ANKRD6: variants seen among roughly 807,000 people sequenced by gnomAD.
ANKRD6 encodes ankyrin repeat domain 6, also known as ankyrin repeat domain-containing protein 6.
ANKRD6 carries 56 observed loss-of-function variants against 82.3 expected under a neutral mutation model. The ratio of observed to expected loss-of-function variants is 0.68; its 90% CI spans 0.55 to 0.85. The LOEUF (loss-of-function observed/expected upper bound fraction) is 0.85. ANKRD6 is among the 40% of genes least tolerant of loss of function. The pLI is 0.00. For synonymous variants in ANKRD6, 347 were observed against 352.1 expected, an observed-to-expected ratio of 0.99 and a Z score of 0.16; for missense variants, 852 against 907.6, an observed-to-expected ratio of 0.94 and a Z score of 0.79.
At chr6:89,540,998 T>A (rs1373007751) in intron 1 of ANKRD6, among the ~76,000 whole-genome samples, 1 of 152,226 alleles carries the variant, frequency 6.6e-6, no homozygotes, top group African/African-American at 2.4e-5. Context: ...TCTGTTTGTA[T>A]GTCAGTACCT....
intron 1 of ANKRD6, among the ~76,000 whole-genome samples, chr6:89,513,516 C>T (rs1162107745): frequency 1.3e-5 from 2 of 152,130 alleles, no homozygotes; most frequent in Admixed American, 6.5e-5. Context: ...AGGATATTTG[C>T]AAGATTTATC....
At chr6:89,512,706 A>G (rs1217437415) in intron 1 of ANKRD6, among the ~76,000 whole-genome samples, 1 of 152,218 alleles carries the variant, frequency 6.6e-6, no homozygotes, top group East Asian at 1.9e-4. Context: ...AGAAATGCCA[A>G]TAAGCTTAGC....
At chr6:89,466,572 C>T (rs1284076319) in intron 1 of ANKRD6, among the ~76,000 whole-genome samples, 1 of 152,040 alleles carries the variant, frequency 6.6e-6, no homozygotes, top group African/African-American at 2.4e-5. Flanking sequence ...ATATTTTGTA[C>T]GTTTTTAGCC....
chr6:89,451,273 C>T (rs754785879), intron 1 of ANKRD6, among the ~76,000 whole-genome samples: 2 of 152,186 alleles, frequency 1.3e-5, no homozygotes, highest in African/African-American at 2.4e-5. Flanking sequence ...CACGCCACTG[C>T]ACTGCAGCCT....
chr6:89,545,988 T>C (rs1360049604), intron 1 of ANKRD6, among the ~76,000 whole-genome samples: 2 of 152,158 alleles, frequency 1.3e-5, no homozygotes, highest in East Asian at 3.9e-4. Context: ...GTATTTTTTT[T>C]AGTAGAGACG....
chr6:89,458,783 C>A (rs1450926269), intron 1 of ANKRD6, among the ~76,000 whole-genome samples: 1 of 152,202 alleles, frequency 6.6e-6, no homozygotes, highest in Non-Finnish European at 1.5e-5. Flanking sequence ...CACCCAGGAA[C>A]AATACTTTGC....
chr6:89,479,170 G>A (rs1008554881), intron 1 of ANKRD6, among the ~76,000 whole-genome samples: 1 of 152,150 alleles, frequency 6.6e-6, no homozygotes, highest in African/African-American at 2.4e-5. Context: ...GATAAACAGG[G>A]CATCATGGGA....
chr6:89,496,176 G>GCC lies in ANKRD6; in HGVS notation c.-144+62811_-144+62812dup, dbSNP rs368122603. On this transcript the variant is annotated intron_variant, in intron 1 of 15. Coordinates refer to ENST00000339746, the MANE Select transcript of ANKRD6 (RefSeq NM_001242809.2). ...GGATTAGCAAGCTTTTTTCCACACT[G>GCC]CCCCCCCCCCCACCATAATTAAAGT... is the stretch of plus-strand genomic sequence containing the variant. Among the ~76,000 whole-genome samples, 312 of 138,044 alleles carry GCC rather than the reference G, an allele frequency of 2.3e-3. 2 individuals carry two copies. The highest frequency in any genetic ancestry group is 3.5e-3 in the African/African-American group (131 of 37,350). 90.6% of individuals were successfully genotyped at this position (138,044 alleles called of 152,430 possible).
At chr6:89,510,693 C>A (rs761029845) in intron 1 of ANKRD6, among the ~76,000 whole-genome samples, 6 of 152,056 alleles carry the variant, frequency 3.9e-5, no homozygotes, top group Non-Finnish European at 8.8e-5. Context: ...TCCTATTTCC[C>A]CCCAATCTCC....
chr6:89,552,777 T>C (rs1378247598), intron 1 of ANKRD6, among the ~76,000 whole-genome samples: 1 of 152,122 alleles, frequency 6.6e-6, no homozygotes, highest in South Asian at 2.1e-4. Flanking sequence ...TTTTTATAGA[T>C]GAGAATATTA....
At position 89,608,354 on chromosome 6, in the gene ANKRD6, T is replaced by TACACACACACACACACAC. The variant is rs540574068; in HGVS notation, c.417+2263_417+2264insACACACACACACACACAC. ...GGGCAGCAGTAAGTACCCTCCCTAATACACACACACACACTATATATATAT... is the reference window on the plus strand; with the variant it reads ...GGGCAGCAGTAAGTACCCTCCCTAATACACACACACACACACACACACACACACACACTATATATATAT... On this transcript the variant is annotated intron_variant, in intron 5 of 15. Coordinates refer to ENST00000339746, the MANE Select transcript of ANKRD6 (RefSeq NM_001242809.2). Among the ~76,000 whole-genome samples, 703 of 136,660 alleles carry TACACACACACACACACAC rather than the reference T, an allele frequency of 5.1e-3. 7 individuals are homozygous for TACACACACACACACACAC. Among genetic ancestry groups the TACACACACACACACACAC allele is most frequent in the Middle Eastern group, 0.015 (4 of 266 alleles). The allele number at this position is 136,660 out of a possible 152,430, so 89.7% of individuals were successfully genotyped here.
chr6:89,527,439 C>G (rs1331765276), intron 1 of ANKRD6, among the ~76,000 whole-genome samples: 1 of 151,272 alleles, frequency 6.6e-6, no homozygotes, highest in East Asian at 1.9e-4. Context: ...ACTAAAAATA[C>G]AAAAAATAGC....
chr6:89,520,639 A>G (rs1452975138), intron 1 of ANKRD6, among the ~76,000 whole-genome samples: 9 of 152,268 alleles, frequency 5.9e-5, no homozygotes, highest in Middle Eastern at 3.2e-3. Context: ...CCTAGGCTGC[A>G]GAGTGGAAGA....
At chr6:89,504,522 C>T (rs955784073) in intron 1 of ANKRD6, among the ~76,000 whole-genome samples, 25 of 152,058 alleles carry the variant, frequency 1.6e-4, no homozygotes, top group African/African-American at 6.0e-4. Flanking sequence ...TCTGCCTCAA[C>T]TTCTTGAGTA....
At chr6:89,520,941 C>T (rs193173433) in intron 1 of ANKRD6, among the ~76,000 whole-genome samples, 22 of 152,238 alleles carry the variant, frequency 1.4e-4, no homozygotes, top group Non-Finnish European at 3.1e-4. Context: ...TGATCCATGA[C>T]TGTGCTACTG....
chr6:89,616,570 A>G lies in ANKRD6; in HGVS notation c.627A>G (p.Thr209=), dbSNP rs1271447828. 6.2e-7 allele frequency: 1 copy of G among 1,613,938 alleles called. No homozygotes were observed. The highest frequency in any genetic ancestry group is 8.5e-7 in the Non-Finnish European group (1 of 1,179,906). ...SVHEKNQAGD[T]ALHVAAALNH... ...CTAATCAATTCCAGGCTGGAGACAC[A>G]GCACTTCACGTTGCTGCTGCCCTAA... The change falls in exon 8 of 16, where the codon ACA becomes ACG. Residue 209 remains threonine, a synonymous_variant. Transcript: ENST00000339746.
intron 1 of ANKRD6, among the ~76,000 whole-genome samples, chr6:89,468,436 A>G (rs1775082315): frequency 6.6e-6 from 1 of 152,088 alleles, no homozygotes; most frequent in Non-Finnish European, 1.5e-5. Context: ...TGATGGTTGA[A>G]CTTGAAGGTT....
Position 89,602,228 on chromosome 6 carries a change from G to A in ANKRD6, c.220-801G>A, listed in dbSNP as rs958951088. 2.6e-5 allele frequency: 4 copies of A among 152,354 alleles called. No homozygotes were observed. The East Asian group carries it at 7.7e-4, about 29-fold the overall frequency. 9.4% of individuals were successfully genotyped at this position (152,354 alleles called of 1,614,324 possible). ...AACTTAGCTTCCTGAGGACCTGTCA[G>A]AGATAAAGGGTGCTCTTAGAGACTT... On this transcript the variant is annotated intron_variant, in intron 3 of 15. Coordinates refer to ENST00000339746, the MANE Select transcript of ANKRD6 (RefSeq NM_001242809.2).
rs537489250 is a variant in ANKRD6, at chr6:89,604,393, C to T, written c.318+1266C>T. On this transcript the variant is annotated intron_variant, in intron 4 of 15. Coordinates refer to ENST00000339746, the MANE Select transcript of ANKRD6 (RefSeq NM_001242809.2). ...TCCTAATGACTTCTTACATATTAAC[C>T]TAATGTTTTTAAATTTTCAAACAAT... Among the ~76,000 whole-genome samples the T allele has an allele frequency of 2.7e-5, 4 of 149,784 alleles. No individual in the cohort carries two copies. The East Asian group carries it at 7.8e-4, about 29-fold the overall frequency.
Sources: gnomAD v4.1 joint callset for allele counts (sites outside exome capture counted in the v4.1 genomes callset) on GRCh38, gnomAD v4.1.1 for gene constraint, MANE v1.5 for transcripts, NCBI Gene and HGNC (gene_info 2026-07-23, HGNC 2026-07-21) for gene names.